The following PIK3C2G variants were observed in gnomAD, a reference collection of about 807,000 sequenced individuals.
PIK3C2G encodes the protein phosphatidylinositol-4-phosphate 3-kinase catalytic subunit type 2 gamma, also known as phosphatidylinositol 3-kinase C2 domain-containing subunit gamma.
A neutral mutation model predicts 181.1 loss-of-function variants in PIK3C2G; 168 were observed. The observed-to-expected ratio is 0.93, with a 90% CI of 0.82 to 1.05. The LOEUF (loss-of-function observed/expected upper bound fraction) is 1.05, where lower values mean the gene tolerates loss of function less well. Among genes scored for constraint, PIK3C2G ranks in the 50% least tolerant of loss-of-function variants. PIK3C2G has a pLI of 0.00. For synonymous variants in PIK3C2G, 573 were observed against 592.2 expected, an observed-to-expected ratio of 0.97 and a Z score of 0.47; for missense variants, 1,869 against 1,732.8, an observed-to-expected ratio of 1.08 and a Z score of -1.40.
the PIK3C2G span, among the ~76,000 whole-genome samples, chr12:18,698,900 A>G: frequency 6.6e-6 from 1 of 152,106 alleles, no homozygotes; most frequent in South Asian, 2.1e-4. Flanking sequence ...TGTATCCATT[A>G]TTGTCCTTAC....
intron 14 of PIK3C2G, among the ~76,000 whole-genome samples, chr12:18,385,734 A>G (rs950299632): frequency 2.0e-5 from 3 of 151,952 alleles, no homozygotes; most frequent in Admixed American, 2.0e-4. Context: ...ATGCCCAGCT[A>G]ATTTTTGTAT....
At chr12:18,627,354 T>A (rs1457990841) in intron 31 of PIK3C2G, among the ~76,000 whole-genome samples, 1 of 152,162 alleles carries the variant, frequency 6.6e-6, no homozygotes, top group Non-Finnish European at 1.5e-5. Context: ...GAATTATTTT[T>A]CTGTCATTTC....
intron 26 of PIK3C2G, among the ~76,000 whole-genome samples, chr12:18,549,017 T>C (rs1406667972): frequency 6.6e-6 from 1 of 152,046 alleles, no homozygotes; most frequent in Non-Finnish European, 1.5e-5. Context: ...AACACTCCAA[T>C]GGAATCATAA....
the PIK3C2G span, among the ~76,000 whole-genome samples, chr12:18,695,549 T>C: frequency 6.6e-6 from 1 of 152,114 alleles, no homozygotes; most frequent in Non-Finnish European, 1.5e-5. Flanking sequence ...TATAGCCTGG[T>C]AAATAGCCAC....
At chr12:18,442,626 G>A (rs1319634468) in intron 18 of PIK3C2G, among the ~76,000 whole-genome samples, 1 of 152,216 alleles carries the variant, frequency 6.6e-6, no homozygotes, top group African/African-American at 2.4e-5. Flanking sequence ...TAAAAGGAGA[G>A]AGGAGTAGCC....
chr12:18,522,963 A>T (rs900077460), intron 24 of PIK3C2G, among the ~76,000 whole-genome samples: 1 of 151,804 alleles, frequency 6.6e-6, no homozygotes, highest in Non-Finnish European at 1.5e-5. Flanking sequence ...CTGATTGGAT[A>T]ATTTCAGATG....
chr12:18,535,964 G>T (rs570530452), intron 24 of PIK3C2G, among the ~76,000 whole-genome samples: 4 of 79,296 alleles, frequency 5.0e-5, no homozygotes, highest in African/African-American at 7.5e-5. Context: ...GCTGTGGGGT[G>T]GGGGAAGAGG....
intron 18 of PIK3C2G, among the ~76,000 whole-genome samples, chr12:18,432,625 G>A (rs1334234596): frequency 6.6e-6 from 1 of 152,032 alleles, no homozygotes; most frequent in East Asian, 1.9e-4. Context: ...AAATATGGTT[G>A]GCAAAAAGGC....
At chr12:18,662,867 G>A in the PIK3C2G span, among the ~76,000 whole-genome samples, 1 of 151,960 alleles carries the variant, frequency 6.6e-6, no homozygotes, top group African/African-American at 2.4e-5. Flanking sequence ...CAAAGGAAAT[G>A]AGAAAATACT....
intron 24 of PIK3C2G, among the ~76,000 whole-genome samples, chr12:18,531,840 C>A (rs536667487): frequency 6.6e-6 from 1 of 152,230 alleles, no homozygotes; most frequent in African/African-American, 2.4e-5. Flanking sequence ...CTATTGCAAA[C>A]AATTCATTTG....
At chr12:18,723,444 G>T in the PIK3C2G span, 3 of 1,612,868 alleles carry the variant, frequency 1.9e-6, no homozygotes, top group Admixed American at 1.7e-5. Flanking sequence ...CAGAATATGT[G>T]TTGAAAATCT....
intron 17 of PIK3C2G, 66 bp downstream of exon 17, chr12:18,421,100 T>C: frequency 2.3e-6 from 2 of 886,550 alleles, no homozygotes; most frequent in East Asian, 4.9e-5. Context: ...AGGTTCCTAA[T>C]GAATCAACAA....
rs75329596 is a variant in PIK3C2G, at chr12:18,410,990, A to T, written c.2316-9951A>T. On this transcript the variant is annotated intron_variant, in intron 16 of 32. Transcript: ENST00000538779. The stretch of plus-strand genomic sequence containing the variant: ...ACCATCTAGTTAATTCCCAATTTCT[A>T]TATGCAAGTCCATATACTATCCATC... Among the ~76,000 whole-genome samples, 965 of 152,252 alleles carry T rather than the reference A, an allele frequency of 6.3e-3. 10 individuals carry two copies. The highest frequency in any genetic ancestry group is 0.022 in the African/African-American group (930 of 41,548).
the PIK3C2G span, among the ~76,000 whole-genome samples, chr12:18,682,728 A>G: frequency 5.9e-5 from 9 of 152,012 alleles, no homozygotes; most frequent in Non-Finnish European, 1.3e-4. Flanking sequence ...ACAGGGTACC[A>G]ACTCCAGTGC....
intron 5 of PIK3C2G, among the ~76,000 whole-genome samples, chr12:18,294,532 C>T (rs138123746): frequency 6.6e-6 from 1 of 151,838 alleles, no homozygotes; most frequent in Admixed American, 6.6e-5. Context: ...TCTAAACCAC[C>T]ATTTCTTTAT....
chr12:18,392,670 C>T (rs1047169437), intron 15 of PIK3C2G, among the ~76,000 whole-genome samples: 4 of 152,006 alleles, frequency 2.6e-5, no homozygotes, highest in Admixed American at 1.3e-4. Flanking sequence ...TATGTTATAA[C>T]ACTTAACACA....
intron 16 of PIK3C2G, among the ~76,000 whole-genome samples, chr12:18,406,331 TC>T (rs1232549681): frequency 6.6e-6 from 1 of 152,172 alleles, no homozygotes; most frequent in Non-Finnish European, 1.5e-5. Flanking sequence ...AATAATGCTT[TC>T]ATGAACATGG....
At chr12:18,391,859 A>C (rs1006957574) in intron 15 of PIK3C2G, among the ~76,000 whole-genome samples, 9 of 144,966 alleles carry the variant, frequency 6.2e-5, no homozygotes, top group Non-Finnish European at 1.1e-4. Context: ...CTCTCTCTCT[A>C]TCTCTTTGTG....
At chr12:18,699,887 A>T in the PIK3C2G span, 1 of 1,612,944 alleles carries the variant, frequency 6.2e-7, no homozygotes, top group Non-Finnish European at 8.5e-7. Context: ...AAGCTTTTGA[A>T]TTTCTCAGCT....
Sources: allele counts gnomAD v4.1 joint callset (sites outside exome capture counted in the v4.1 genomes callset), GRCh38; gene constraint gnomAD v4.1.1; transcripts MANE v1.5; gene names NCBI Gene and HGNC (gene_info 2026-07-23, HGNC 2026-07-21).